The following NDST4 variants were observed in gnomAD, a reference collection of about 807,000 sequenced individuals.
NDST4 encodes the protein N-heparan sulfate sulfotransferase 4.
In NDST4, 63 loss-of-function variants were observed where a neutral mutation model predicts 100.8. The ratio of observed to expected loss-of-function variants is 0.62; its 90% CI spans 0.51 to 0.77. The LOEUF is 0.77. NDST4 is among the 30% of genes least tolerant of loss of function. The probability of loss-of-function intolerance (pLI) is 0.00; values close to 1 mark genes in which losing one functional copy is unlikely to be tolerated. For missense variants in NDST4, 943 were observed against 1,018.4 expected (o/e 0.93, Z 1.01); for synonymous variants, 377 against 361.8 (o/e 1.04, Z -0.48).
At chr4:114,838,517 A>T (rs1025169646) in intron 11 of NDST4, among the ~76,000 whole-genome samples, 1 of 152,190 alleles carries the variant, frequency 6.6e-6, no homozygotes, top group South Asian at 2.1e-4. Flanking sequence ...TGTCCTTTGT[A>T]GGGACATGGA....
chr4:115,057,089 C>T (rs1046527901), intron 2 of NDST4, among the ~76,000 whole-genome samples: 2 of 151,854 alleles, frequency 1.3e-5, no homozygotes, highest in Admixed American at 6.6e-5. Context: ...GTAAGTAATT[C>T]GACATTATAT....
chr4:115,052,613 G>C (rs911268365), intron 2 of NDST4, among the ~76,000 whole-genome samples: 1 of 151,608 alleles, frequency 6.6e-6, no homozygotes, highest in East Asian at 1.9e-4. Flanking sequence ...CTGCCCTCCC[G>C]TAAGACGTGA....
chr4:114,903,270 A>G (rs1724884116), intron 6 of NDST4, among the ~76,000 whole-genome samples: 1 of 152,096 alleles, frequency 6.6e-6, no homozygotes. Context: ...TGTTAAGAAA[A>G]ACAGATTCTC....
intron 2 of NDST4, among the ~76,000 whole-genome samples, chr4:115,057,335 G>A (rs1322972314): frequency 6.7e-6 from 1 of 149,244 alleles, no homozygotes. Flanking sequence ...GGAGGAGGAA[G>A]GAGAAACAGA....
At chr4:115,086,769 C>T (rs559486359) in intron 1 of NDST4, among the ~76,000 whole-genome samples, 2 of 152,082 alleles carry the variant, frequency 1.3e-5, no homozygotes, top group Admixed American at 6.6e-5. Flanking sequence ...AAAGAAAGGA[C>T]ATGATTTTTT....
Position 114,929,109 on chromosome 4 carries a change from C to CT in NDST4, c.1536+6096_1536+6097insA, listed in dbSNP as rs1560817101. Among the ~76,000 whole-genome samples, 543 of 112,816 alleles carry CT rather than the reference C, an allele frequency of 4.8e-3. 2 individuals are homozygous for CT. Among genetic ancestry groups the CT allele is most frequent in the Admixed American group, 6.7e-3 (75 of 11,182 alleles). 74.0% of individuals were successfully genotyped at this position (112,816 alleles called of 152,430 possible). A position where few individuals can be genotyped will look rare whatever the true frequency, so the allele number is the denominator to read the frequency against. ...CCATCCATCCATCCATCCATCCATC[C>CT]ATCCATCTATCTATCTATCTATCTA... On this transcript the variant is annotated intron_variant, in intron 6 of 13. Transcript: ENST00000264363.
At chr4:114,884,823 C>G (rs1724445137) in intron 6 of NDST4, among the ~76,000 whole-genome samples, 1 of 152,082 alleles carries the variant, frequency 6.6e-6, no homozygotes, top group South Asian at 2.1e-4. Flanking sequence ...GTGATTGACA[C>G]TATCAAAATA....
chr4:114,936,420 C>T (rs1013543350), intron 5 of NDST4, among the ~76,000 whole-genome samples: 6 of 151,512 alleles, frequency 4.0e-5, no homozygotes, highest in East Asian at 1.9e-4. Context: ...TCACAGATGG[C>T]GATTAGATAG....
intron 6 of NDST4, among the ~76,000 whole-genome samples, chr4:114,908,154 A>G (rs906504980): frequency 6.6e-6 from 1 of 152,196 alleles, no homozygotes; most frequent in Non-Finnish European, 1.5e-5. Flanking sequence ...ATAATCATGT[A>G]TAGGGCAATA....
Position 114,830,164 on chromosome 4 carries a change from C to G in NDST4, c.2397-272G>C, listed in dbSNP as rs142422746. 2.1e-3 allele frequency among the ~76,000 whole-genome samples: 323 copies of G among 152,238 alleles called. 1 individual carries two copies. Among genetic ancestry groups the G allele is most frequent in the African/African-American group, 7.3e-3 (305 of 41,546 alleles). On this transcript the variant is annotated intron_variant, in intron 12 of 13. Transcript: ENST00000264363. ...AACATTTTTAACTTAAGTTCCTTAG[C>G]TTACCTATGCATCCATAAAAGATCA...
intron 1 of NDST4, among the ~76,000 whole-genome samples, chr4:115,084,857 G>A (rs1174450476): frequency 8.9e-6 from 1 of 112,644 alleles, no homozygotes; most frequent in African/African-American, 4.3e-5. Flanking sequence ...AGTGTGGAAG[G>A]GAAATGTGGG....
chr4:114,988,352 C>CTTTT lies in NDST4; in HGVS notation c.979-11082_979-11079dup, dbSNP rs991019823. On this transcript the variant is annotated intron_variant, in intron 2 of 13. Coordinates refer to ENST00000264363, the MANE Select transcript of NDST4 (RefSeq NM_022569.3). ...TTTGTAAGCACACAGATACACATATCTTTTTTTTTTTTTTTTTTTTTTTTT... is the reference window on the plus strand; with the variant it reads ...TTTGTAAGCACACAGATACACATATCTTTTTTTTTTTTTTTTTTTTTTTTTTTTT... 5.4e-3 allele frequency among the ~76,000 whole-genome samples: 347 copies of CTTTT among 64,206 alleles called. 94 individuals carry two copies. Among genetic ancestry groups the CTTTT allele is most frequent in the African/African-American group, 0.019 (278 of 14,678 alleles). 42.1% of individuals were successfully genotyped at this position (64,206 alleles called of 152,430 possible).
chr4:114,947,329 T>G (rs950629416), intron 4 of NDST4, among the ~76,000 whole-genome samples: 18 of 152,160 alleles, frequency 1.2e-4, no homozygotes, highest in African/African-American at 4.1e-4. Context: ...CTTACTATGA[T>G]TGGCTCTTGC....
chr4:115,108,975 GA>G (rs1430326556), intron 1 of NDST4, among the ~76,000 whole-genome samples: 7 of 150,890 alleles, frequency 4.6e-5, no homozygotes. Context: ...AGGAAGAAAG[GA>G]AAAAAGACAA....
chr4:114,890,240 C>T (rs964566367), intron 6 of NDST4, among the ~76,000 whole-genome samples: 1 of 151,882 alleles, frequency 6.6e-6, no homozygotes, highest in Non-Finnish European at 1.5e-5. Context: ...CACATTTGTA[C>T]CATTTTCCAG....
intron 1 of NDST4, among the ~76,000 whole-genome samples, chr4:115,101,785 A>C (rs1578522184): frequency 6.6e-6 from 1 of 152,118 alleles, no homozygotes; most frequent in African/African-American, 2.4e-5. Context: ...ATAGGAATAC[A>C]AAACTTTCTG....
chr4:114,984,109 A>C (rs77779170), intron 2 of NDST4, among the ~76,000 whole-genome samples: 2 of 151,898 alleles, frequency 1.3e-5, no homozygotes, highest in Non-Finnish European at 2.9e-5. Flanking sequence ...TGAGTCTTGG[A>C]TATGTCTTTA....
chr4:115,076,698 T>G lies in NDST4; in HGVS notation c.339A>C (p.Gly113=), dbSNP rs368434281. 6.2e-7 allele frequency: 1 copy of G among 1,613,968 alleles called. No individual in the cohort carries two copies. Among genetic ancestry groups the G allele is most frequent in the Non-Finnish European group, 8.5e-7 (1 of 1,179,934 alleles). Residue 113 remains glycine (G), a synonymous_variant, in exon 2 of 14, where the codon GGA becomes GGC. Transcript: ENST00000264363. Reference sequence around the variant, plus strand: ...CTGTAAGAGGAGGTATATCTCCCTTTCCAGGGGCAATAACCATGTGGTACT... The same window carrying G: ...CTGTAAGAGGAGGTATATCTCCCTTGCCAGGGGCAATAACCATGTGGTACT... ...RFQYHMVIAP[G]KGDIPPLTDN...
Position 114,852,600 on chromosome 4 carries a change from T to C in NDST4, c.1816+125A>G, listed in dbSNP as rs1723701483. On this transcript the variant is annotated intron_variant, in intron 8 of 13. Coordinates refer to ENST00000264363, the MANE Select transcript of NDST4 (RefSeq NM_022569.3). Reference sequence around the variant, plus strand: ...TCATGGAGATGACAAGCAGTTCAAATAATAAACTTGCATGGATAGCTAAAT... The same window carrying C: ...TCATGGAGATGACAAGCAGTTCAAACAATAAACTTGCATGGATAGCTAAAT... 5 of 588,518 alleles carry C rather than the reference T, an allele frequency of 8.5e-6. 1 individual carries two copies. Among genetic ancestry groups the C allele is most frequent in the South Asian group, 7.1e-5 (3 of 42,522 alleles). 36.5% of individuals were successfully genotyped at this position (588,518 alleles called of 1,614,324 possible).
Sources: gnomAD v4.1 joint callset for allele counts (sites outside exome capture counted in the v4.1 genomes callset) on GRCh38, gnomAD v4.1.1 for gene constraint, MANE v1.5 for transcripts, NCBI Gene and HGNC (gene_info 2026-07-23, HGNC 2026-07-21) for gene names.